FNDC3A: variants seen among roughly 807,000 people sequenced by gnomAD.
FNDC3A encodes fibronectin type-III domain-containing protein 3A.
Under a neutral mutation model 148.9 loss-of-function variants are expected in FNDC3A, and 32 were observed. The observed-to-expected ratio is 0.21, with a 90% confidence interval of 0.16 to 0.29. FNDC3A has a LOEUF of 0.29. FNDC3A is among the 10% of genes least tolerant of loss of function. The probability of loss-of-function intolerance (pLI) is 1.00; values close to 1 mark genes in which losing one functional copy is unlikely to be tolerated. For missense variants in FNDC3A, 1,191 were observed against 1,452.8 expected (o/e 0.82, Z 2.93); for synonymous variants, 472 against 473.6 (o/e 1.00, Z 0.04).
intron 2 of FNDC3A, among the ~76,000 whole-genome samples, chr13:49,063,269 A>G (rs1387042646): frequency 1.3e-5 from 2 of 152,262 alleles, no homozygotes; most frequent in Admixed American, 1.3e-4. Context: ...CTATACAAAT[A>G]AAACTTCTGG....
intron 8 of FNDC3A, among the ~76,000 whole-genome samples, chr13:49,155,815 T>C: frequency 1.1e-4 from 9 of 83,022 alleles, no homozygotes; most frequent in Admixed American, 2.8e-4. Context: ...TCAGTTTCCA[T>C]GTAGTTGAGC....
chr13:48,990,588 C>A (rs1177413874), intron 1 of FNDC3A, among the ~76,000 whole-genome samples: 27 of 58,108 alleles, frequency 4.6e-4, no homozygotes, highest in East Asian at 1.0e-3. Flanking sequence ...CCTGTCTCTC[C>A]AAAAAAAAAA....
chr13:49,162,057 A>G (rs1378329074), intron 8 of FNDC3A, among the ~76,000 whole-genome samples: 5 of 151,196 alleles, frequency 3.3e-5, no homozygotes, highest in East Asian at 3.9e-4. Context: ...CTTCATTTCA[A>G]CTTTGGTGAA....
At chr13:48,979,097 A>G (rs1042216320) in intron 1 of FNDC3A, among the ~76,000 whole-genome samples, 4 of 152,090 alleles carry the variant, frequency 2.6e-5, no homozygotes, top group Admixed American at 6.5e-5. Flanking sequence ...TCATCTTTCA[A>G]TGTTTCCAAT....
chr13:49,131,471 A>G (rs1385163335), intron 5 of FNDC3A, 97 bp downstream of exon 5: 1 of 881,268 alleles, frequency 1.1e-6, no homozygotes, highest in Non-Finnish European at 1.9e-6. Context: ...AAAACAGCAA[A>G]TGGTAATGAT....
At chr13:49,099,267 CT>C (rs1312751670) in intron 3 of FNDC3A, among the ~76,000 whole-genome samples, 1 of 152,130 alleles carries the variant, frequency 6.6e-6, no homozygotes, top group Non-Finnish European at 1.5e-5. Flanking sequence ...TCATCTGTCT[CT>C]TTTTCACTTT....
intron 2 of FNDC3A, among the ~76,000 whole-genome samples, chr13:49,033,354 C>T (rs905911551): frequency 5.9e-5 from 9 of 152,046 alleles, no homozygotes; most frequent in South Asian, 4.2e-4. Context: ...TGATAGAAAA[C>T]GAGGTTTGAG....
At chr13:49,084,212 C>T (rs1209790635) in intron 3 of FNDC3A, among the ~76,000 whole-genome samples, 1 of 152,228 alleles carries the variant, frequency 6.6e-6, no homozygotes, top group Non-Finnish European at 1.5e-5. Context: ...CCCTACTTAA[C>T]TGAAGTGGAG....
intron 1 of FNDC3A, among the ~76,000 whole-genome samples, chr13:49,000,071 A>G (rs376220256): frequency 1.3e-5 from 2 of 152,320 alleles, no homozygotes; most frequent in African/African-American, 2.4e-5. Flanking sequence ...CTGATGCACA[A>G]AAGTTTCTAA....
At chr13:48,983,937 C>T (rs958986530) in intron 1 of FNDC3A, among the ~76,000 whole-genome samples, 1 of 152,084 alleles carries the variant, frequency 6.6e-6, no homozygotes, top group Non-Finnish European at 1.5e-5. Context: ...GTTGATATGA[C>T]TGCTTACAAA....
Position 49,198,379 on chromosome 13 carries a change from T to C in FNDC3A, c.2792T>C (p.Leu931Ser). ...GCACTTAGAATACGAATTCAAGCCTTGAATAGCCTTGGAGCTGGTCCTTTC... is the reference window on the plus strand; with the variant it reads ...GCACTTAGAATACGAATTCAAGCCTCGAATAGCCTTGGAGCTGGTCCTTTC... ...DTTYRIRIQA[L>S]NSLGAGPFSH... The change falls in exon 23 of 26, where the codon TTG becomes TCG. Residue 931 changes from leucine to serine, a missense_variant. Leu to Ser is a moderately radical substitution (Grantham distance 145, BLOSUM62 -2). Around this residue, in one of 3 missense-constraint regions of FNDC3A, gnomAD observed 751 missense variants for 944.0 expected, o/e 0.80. Coordinates refer to ENST00000492622, the MANE Select transcript of FNDC3A (RefSeq NM_001079673.2). 6.2e-7 allele frequency: 1 copy of C among 1,614,176 alleles called. No homozygotes were observed. Among genetic ancestry groups the C allele is most frequent in the South Asian group, 1.1e-5 (1 of 91,084 alleles).
chr13:49,083,630 G>A (rs1878620867), intron 3 of FNDC3A, among the ~76,000 whole-genome samples: 1 of 152,142 alleles, frequency 6.6e-6, no homozygotes, highest in South Asian at 2.1e-4. Flanking sequence ...AAAGAGGGCA[G>A]TGACTTGGTC....
intron 8 of FNDC3A, among the ~76,000 whole-genome samples, chr13:49,156,773 C>T (rs1471188322): frequency 7.8e-6 from 1 of 127,620 alleles, no homozygotes; most frequent in African/African-American, 3.0e-5. Flanking sequence ...TTCTCCTTCA[C>T]TTATGAAGCT....
At chr13:49,081,349 A>C (rs1349211502) in intron 3 of FNDC3A, among the ~76,000 whole-genome samples, 1 of 152,230 alleles carries the variant, frequency 6.6e-6, no homozygotes, top group Non-Finnish European at 1.5e-5. Flanking sequence ...TGGCTCCTTC[A>C]AATATTATGT....
chr13:48,994,692 T>G (rs552751163), intron 1 of FNDC3A, among the ~76,000 whole-genome samples: 29 of 151,954 alleles, frequency 1.9e-4, no homozygotes, highest in African/African-American at 6.3e-4. Context: ...GCAGGAGAAT[T>G]GCTTGAACCT....
At chr13:49,000,993 A>G (rs1367521685) in intron 1 of FNDC3A, among the ~76,000 whole-genome samples, 1 of 151,134 alleles carries the variant, frequency 6.6e-6, no homozygotes, top group Non-Finnish European at 1.5e-5. Flanking sequence ...TGTAATCTTT[A>G]GGGTTTTCTA....
chr13:48,982,108 T>C (rs1005043148), intron 1 of FNDC3A, among the ~76,000 whole-genome samples: 5 of 152,164 alleles, frequency 3.3e-5, no homozygotes, highest in African/African-American at 1.2e-4. Flanking sequence ...TATAGAAGTA[T>C]ATGCCATATA....
intron 15 of FNDC3A, 28 bp from the exon 16 acceptor site, chr13:49,187,094 C>T: frequency 6.5e-7 from 1 of 1,543,786 alleles, no homozygotes; most frequent in Non-Finnish European, 8.9e-7. Context: ...TTGTACCTTG[C>T]CTAATACTAC....
Position 49,194,203 on chromosome 13 carries a change from C to G in FNDC3A, c.2227-2674C>G, listed in dbSNP as rs186228569. Reference sequence around the variant, plus strand: ...GCTTGAACCCAGGAGGTGGAGGTTGCAGTGAGCTGAGATTGTGCCACTGAA... The same window carrying G: ...GCTTGAACCCAGGAGGTGGAGGTTGGAGTGAGCTGAGATTGTGCCACTGAA... On this transcript the variant is annotated intron_variant, in intron 19 of 25. Transcript: ENST00000492622. Among the ~76,000 whole-genome samples the G allele has an allele frequency of 1.2e-3, 186 of 151,766 alleles. 2 individuals are homozygous for G. Among genetic ancestry groups the G allele is most frequent in the Non-Finnish European group, 1.6e-3 (106 of 67,928 alleles).
Sources: gnomAD v4.1 joint callset for allele counts (sites outside exome capture counted in the v4.1 genomes callset) on GRCh38, gnomAD v4.1.1 for gene constraint, gnomAD v4.1.1 regional missense constraint, MANE v1.5 for transcripts, NCBI Gene and HGNC (gene_info 2026-07-23, HGNC 2026-07-21) for gene names.